CCDC178: variants seen among roughly 807,000 people sequenced by gnomAD.
CCDC178 encodes the protein coiled-coil domain-containing protein 178.
In CCDC178, 126 loss-of-function variants were observed where a neutral mutation model predicts 117.4. The ratio of observed to expected loss-of-function variants is 1.07; its 90% CI spans 0.93 to 1.24. The LOEUF is 1.24. Among genes scored for constraint, CCDC178 ranks in the 50% most tolerant of loss-of-function variants. The probability of loss-of-function intolerance (pLI) is 0.00; values close to 1 mark genes in which losing one functional copy is unlikely to be tolerated. For missense variants in CCDC178, 1,030 were observed against 986.9 expected (o/e 1.04, Z -0.59); for synonymous variants, 283 against 313.4 (o/e 0.90, Z 1.02).
At chr18:33,376,922 T>C (rs957537732) in intron 5 of CCDC178, among the ~76,000 whole-genome samples, 5 of 152,194 alleles carry the variant, frequency 3.3e-5, no homozygotes, top group African/African-American at 1.2e-4. Context: ...AATGAGTGCG[T>C]TGTCTTTTTG....
At chr18:33,082,257 G>A (rs2057309586) in intron 21 of CCDC178, among the ~76,000 whole-genome samples, 1 of 152,132 alleles carries the variant, frequency 6.6e-6, no homozygotes, top group Non-Finnish European at 1.5e-5. Context: ...GATCGCTTGA[G>A]CTCAGGAGTT....
chr18:33,347,778 T>C (rs2062916870), intron 8 of CCDC178, among the ~76,000 whole-genome samples: 1 of 152,110 alleles, frequency 6.6e-6, no homozygotes, highest in Non-Finnish European at 1.5e-5. Flanking sequence ...CTGTCTTTTA[T>C]ACTATTTCAA....
chr18:33,194,594 C>A (rs919635230), intron 20 of CCDC178, among the ~76,000 whole-genome samples: 2 of 152,106 alleles, frequency 1.3e-5, no homozygotes, highest in Non-Finnish European at 2.9e-5. Context: ...TGCATTTGAC[C>A]TGTTGAACTT....
chr18:33,130,184 GT>G (rs2058054323), intron 20 of CCDC178, among the ~76,000 whole-genome samples: 2 of 151,920 alleles, frequency 1.3e-5, no homozygotes, highest in African/African-American at 4.8e-5. Flanking sequence ...AAAAGAAAAA[GT>G]TAAGATAGTT....
intron 10 of CCDC178, among the ~76,000 whole-genome samples, 165 bp downstream of exon 10, chr18:33,333,009 T>C (rs1454592617): frequency 6.8e-6 from 1 of 147,988 alleles, no homozygotes; most frequent in Non-Finnish European, 1.5e-5. Flanking sequence ...AAAGAAGACA[T>C]AGTTAAAATG....
chr18:33,258,256 C>T (rs1370726204), intron 14 of CCDC178, among the ~76,000 whole-genome samples: 1 of 152,090 alleles, frequency 6.6e-6, no homozygotes, highest in African/African-American at 2.4e-5. Flanking sequence ...CCCTGTCTGC[C>T]TTACCAACAT....
chr18:33,099,261 C>T (rs1233745595), intron 20 of CCDC178, among the ~76,000 whole-genome samples: 1 of 152,000 alleles, frequency 6.6e-6, no homozygotes, highest in African/African-American at 2.4e-5. Context: ...GTTCCAAGCA[C>T]CACTGTTTCA....
At chr18:33,359,467 T>G (rs998592985) in intron 6 of CCDC178, among the ~76,000 whole-genome samples, 1 of 151,746 alleles carries the variant, frequency 6.6e-6, no homozygotes, top group Admixed American at 6.6e-5. Flanking sequence ...TTATTCAGGA[T>G]ATTGAAGTGG....
intron 12 of CCDC178, among the ~76,000 whole-genome samples, chr18:33,278,026 C>T (rs900196055): frequency 6.6e-5 from 10 of 152,048 alleles, no homozygotes; most frequent in Admixed American, 6.6e-4. Flanking sequence ...TTCACCTCCT[C>T]TGAGGGTGCC....
intron 21 of CCDC178, chr18:32,983,178 A>C: frequency 1.5e-6 from 1 of 668,328 alleles, no homozygotes; most frequent in Non-Finnish European, 2.5e-6. Context: ...TGGAGTGGGA[A>C]TTGGGAGTAG....
intron 12 of CCDC178, among the ~76,000 whole-genome samples, chr18:33,292,098 A>G (rs1476181665): frequency 6.7e-6 from 1 of 149,698 alleles, no homozygotes; most frequent in Non-Finnish European, 1.5e-5. Flanking sequence ...CCAAAGAAAA[A>G]GGAATCAGTA....
At chr18:33,134,195 T>A (rs1160058089) in intron 20 of CCDC178, among the ~76,000 whole-genome samples, 1 of 152,020 alleles carries the variant, frequency 6.6e-6, no homozygotes, top group East Asian at 1.9e-4. Context: ...TATAAATCTA[T>A]TATTACTTTT....
At chr18:33,309,824 A>G (rs2062311155) in intron 11 of CCDC178, among the ~76,000 whole-genome samples, 1 of 152,192 alleles carries the variant, frequency 6.6e-6, no homozygotes, top group Non-Finnish European at 1.5e-5. Context: ...TATAGACATA[A>G]AGATGTATTT....
intron 20 of CCDC178, among the ~76,000 whole-genome samples, chr18:33,151,087 C>G (rs1422402158): frequency 6.6e-6 from 1 of 152,008 alleles, no homozygotes; most frequent in Non-Finnish European, 1.5e-5. Context: ...ACTTTGGGGA[C>G]TTGGGGAGGC....
chr18:33,146,813 T>C lies in CCDC178; in HGVS notation c.2239-53903A>G, dbSNP rs961944917. 9.2e-5 allele frequency among the ~76,000 whole-genome samples: 14 copies of C among 152,218 alleles called. 1 individual carries two copies. Among genetic ancestry groups the C allele is most frequent in the Admixed American group, 7.2e-4 (11 of 15,278 alleles). On this transcript the variant is annotated intron_variant, in intron 20 of 22. Transcript: ENST00000383096. ...GAAATAAAGATTTGAGAATAGATCA[T>C]ACTGATGTCTGGGTATGAGTTCAGC... is the stretch of plus-strand genomic sequence containing the variant.
At chr18:33,316,611 G>A (rs1175095957) in intron 11 of CCDC178, among the ~76,000 whole-genome samples, 2 of 152,288 alleles carry the variant, frequency 1.3e-5, no homozygotes, top group South Asian at 2.1e-4. Flanking sequence ...GGTGAAGCCA[G>A]CTGGGCTCCT....
intron 20 of CCDC178, among the ~76,000 whole-genome samples, chr18:33,156,082 CTTTTTTTTTTTT>C (rs755685926): frequency 1.0e-5 from 1 of 98,036 alleles, no homozygotes; most frequent in Non-Finnish European, 1.9e-5. Flanking sequence ...CTAGAAAACA[CTTTTTTTTTTTT>C]TTTTTTTTTT....
intron 6 of CCDC178, among the ~76,000 whole-genome samples, chr18:33,363,970 C>T (rs530228399): frequency 4.3e-4 from 66 of 152,188 alleles, no homozygotes; most frequent in Middle Eastern, 3.4e-3. Context: ...TGACTATGTG[C>T]TTTGCTTTGG....
chr18:33,088,783 C>T (rs1214853189), intron 21 of CCDC178, among the ~76,000 whole-genome samples: 1 of 152,072 alleles, frequency 6.6e-6, no homozygotes, highest in Non-Finnish European at 1.5e-5. Flanking sequence ...GCTATTGGTC[C>T]AGTCAAACCT....
Sources: gnomAD v4.1 joint callset for allele counts (sites outside exome capture counted in the v4.1 genomes callset) on GRCh38, gnomAD v4.1.1 for gene constraint, MANE v1.5 for transcripts, NCBI Gene and HGNC (gene_info 2026-07-23, HGNC 2026-07-21) for gene names.